The following PTPRE variants were observed in gnomAD, a reference collection of about 807,000 sequenced individuals.
PTPRE encodes receptor-type tyrosine-protein phosphatase epsilon.
PTPRE carries 51 observed loss-of-function variants against 102.0 expected under a neutral mutation model. The observed-to-expected ratio is 0.50, with a 90% CI of 0.40 to 0.63. PTPRE has a LOEUF of 0.63. Among genes scored for constraint, PTPRE ranks in the 30% least tolerant of loss-of-function variants. PTPRE has a pLI of 0.00. For synonymous variants in PTPRE, 345 were observed against 348.2 expected (o/e 0.99, Z 0.10); for missense variants, 752 against 915.1 (o/e 0.82, Z 2.30).
chr10:128,082,848 G>A lies in PTPRE; in HGVS notation c.2045G>A (p.Cys682Tyr). The A allele has an allele frequency of 6.4e-7, 1 of 1,560,022 alleles. No individual in the cohort carries two copies. Among genetic ancestry groups the A allele is most frequent in the Non-Finnish European group, 8.6e-7 (1 of 1,162,868 alleles). The change falls in exon 21 of 21, where the codon TGC becomes TAC. Residue 682 changes from cysteine to tyrosine, a missense_variant. Cys to Tyr is a radical substitution (Grantham distance 194). This residue lies in a region of PTPRE where 636 missense variants were observed against 824.4 expected (regional missense o/e 0.77). Transcript: ENST00000254667. ...MVQTLEQYEF[C>Y]YKVVQDFIDI... ...TCTTTTCAGGAACAGTATGAATTCT[G>A]CTACAAAGTGGTACAAGATTTTATT...
At chr10:128,015,797 C>G (rs534174111) in intron 2 of PTPRE, among the ~76,000 whole-genome samples, 2 of 152,258 alleles carry the variant, frequency 1.3e-5, no homozygotes, top group East Asian at 1.9e-4. Flanking sequence ...GGGGACAGAG[C>G]AAGACCCTGT....
intron 1 of PTPRE, among the ~76,000 whole-genome samples, chr10:127,947,771 G>A (rs1026539019): frequency 2.6e-5 from 4 of 152,148 alleles, no homozygotes; most frequent in African/African-American, 4.8e-5. Context: ...GAAAAATCTC[G>A]GACTTAAAAT....
chr10:127,958,333 T>C (rs2135377071), intron 1 of PTPRE, among the ~76,000 whole-genome samples: 1 of 152,348 alleles, frequency 6.6e-6, no homozygotes, highest in Middle Eastern at 3.4e-3. Flanking sequence ...CTGTAGGTTT[T>C]TCATAGCTGT....
intron 2 of PTPRE, among the ~76,000 whole-genome samples, chr10:128,001,888 G>A (rs1246473921): frequency 6.6e-6 from 1 of 152,220 alleles, no homozygotes; most frequent in African/African-American, 2.4e-5. Context: ...GGGTTGAGAA[G>A]GCTGTGGGCT....
intron 1 of PTPRE, among the ~76,000 whole-genome samples, chr10:127,951,074 C>T (rs1848986907): frequency 6.6e-6 from 1 of 151,780 alleles, no homozygotes; most frequent in South Asian, 2.1e-4. Context: ...GAGACTCCAT[C>T]TCAAAAAAAT....
In PTPRE at chr10:128,069,764, G is replaced by A; in HGVS notation, c.1080G>A (p.Lys360=). Residue 360 remains lysine, a synonymous_variant, in exon 13 of 21, where the codon AAG becomes AAA. Transcript: ENST00000254667. ...AMMAMMHAEQ[K]VDVFEFVSRI... is the part of the protein sequence containing the mutation. The stretch of plus-strand genomic sequence containing the variant: ...TGGCCATGATGCACGCGGAGCAGAA[G>A]GTGGATGTGTTTGAATTTGTGTCTC... 4 of 1,614,216 alleles carry A rather than the reference G, an allele frequency of 2.5e-6. No homozygotes were observed. The African/African-American group carries it at 4.0e-5, about 16-fold the overall frequency.
chr10:128,025,956 T>C lies in PTPRE; in HGVS notation c.-7-14919T>C, dbSNP rs755881609. On this transcript the variant is annotated intron_variant, in intron 2 of 20. Coordinates refer to ENST00000254667, the MANE Select transcript of PTPRE (RefSeq NM_006504.6). The stretch of plus-strand genomic sequence containing the variant: ...ATTTTTGTCCATGGCTGCCTTTCTT[T>C]GGCAGCCAGAGCCAGGTACTTCCAG... Among the ~76,000 whole-genome samples, 25 of 152,310 alleles carry C rather than the reference T, an allele frequency of 1.6e-4. No individual in the cohort carries two copies. The Middle Eastern group carries it at 0.014, about 83-fold the overall frequency.
rs1845602108 is a variant in PTPRE, at chr10:127,907,917, G to C, written c.-31+608G>C. Among the ~76,000 whole-genome samples the C allele has an allele frequency of 6.6e-6, 1 of 152,200 alleles. No homozygotes were observed. The highest frequency in any genetic ancestry group is 1.5e-5 in the Non-Finnish European group (1 of 68,044). On this transcript the variant is annotated intron_variant, in intron 1 of 20. Coordinates refer to ENST00000254667, the MANE Select transcript of PTPRE (RefSeq NM_006504.6). This position sits in a 1 kb window ranked among gnomAD's most constrained non-coding sequence, Gnocchi z 4.8. The stretch of plus-strand genomic sequence containing the variant: ...CCTGGCAGGTGGTCCAGGCTGGACT[G>C]CCGCGATTTGCAGGGTCGACGACCT...
chr10:128,061,306 C>T (rs1486071761), intron 8 of PTPRE, among the ~76,000 whole-genome samples: 1 of 152,194 alleles, frequency 6.6e-6, no homozygotes, highest in Admixed American at 6.5e-5. Flanking sequence ...AAACCATGTG[C>T]AGTGGACTAT....
At chr10:127,926,591 G>A (rs1440291386) in intron 1 of PTPRE, among the ~76,000 whole-genome samples, 1 of 152,138 alleles carries the variant, frequency 6.6e-6, no homozygotes, top group Non-Finnish European at 1.5e-5. Context: ...TGGCTGGTGT[G>A]GGCGTGAGGA....
chr10:127,971,847 C>T (rs1850768199), intron 1 of PTPRE, among the ~76,000 whole-genome samples: 1 of 152,226 alleles, frequency 6.6e-6, no homozygotes, highest in African/African-American at 2.4e-5. Context: ...ACCAGGAGAG[C>T]TTTCCCTTAG....
intron 1 of PTPRE, among the ~76,000 whole-genome samples, chr10:127,949,458 G>A (rs558219104): frequency 1.2e-4 from 19 of 152,200 alleles, no homozygotes; most frequent in African/African-American, 2.6e-4. Context: ...TTCTAATAGC[G>A]CAGAGAGCAC....
chr10:128,047,473 G>A lies in PTPRE; in HGVS notation c.193G>A (p.Ala65Thr), dbSNP rs752677298. The A allele has an allele frequency of 1.2e-5, 20 of 1,613,116 alleles. No individual in the cohort carries two copies. The highest frequency in any genetic ancestry group is 5.5e-5 in the South Asian group (5 of 91,058). ...GCTCCTCCTCCTCGTGCTCCTTCTC[G>A]CCGCCTACTTCTTCAGGTAGGAGTG... ...LLLLLLVLLL[A>T]AYFFRFRKQR... is the part of the protein sequence containing the mutation. Residue 65 changes from alanine to threonine, a missense_variant, in exon 4 of 21, where the codon GCC (alanine) becomes ACC (threonine). Ala to Thr is a moderately conservative substitution (Grantham distance 58). This residue lies in a region of PTPRE where 116 missense variants were observed against 90.8 expected (regional missense o/e 1.28). Coordinates refer to ENST00000254667, the MANE Select transcript of PTPRE (RefSeq NM_006504.6).
At chr10:127,980,764 A>G (rs144313443) in intron 1 of PTPRE, among the ~76,000 whole-genome samples, 39 of 152,324 alleles carry the variant, frequency 2.6e-4, no homozygotes, top group African/African-American at 8.4e-4. Context: ...TTTTAAAAAT[A>G]TAACAATTTA....
At chr10:127,987,483 C>A in intron 2 of PTPRE, 3 of 616,514 alleles carry the variant, frequency 4.9e-6, no homozygotes, top group Non-Finnish European at 7.2e-6. Context: ...ACCTAAAAAT[C>A]AGGCTAAAGA....
At chr10:127,982,399 G>A in intron 2 of PTPRE, 103 bp downstream of exon 2, 1 of 829,460 alleles carries the variant, frequency 1.2e-6, no homozygotes, top group Non-Finnish European at 1.7e-6. Context: ...TCTTGAGAAA[G>A]AAAGCCATAT....
chr10:127,955,295 T>TACAC (rs1277579186), intron 1 of PTPRE, among the ~76,000 whole-genome samples: 1 of 150,042 alleles, frequency 6.7e-6, no homozygotes, highest in African/African-American at 2.5e-5. Context: ...TGTACATACA[T>TACAC]ACATACATAC....
At chr10:128,016,266 A>T (rs772182518) in intron 2 of PTPRE, among the ~76,000 whole-genome samples, 1 of 152,206 alleles carries the variant, frequency 6.6e-6, no homozygotes, top group African/African-American at 2.4e-5. Context: ...TTCAAAACAC[A>T]GAACAGGTCA....
At chr10:127,956,391 G>T (rs1335289992) in intron 1 of PTPRE, among the ~76,000 whole-genome samples, 6 of 152,284 alleles carry the variant, frequency 3.9e-5, no homozygotes, top group Non-Finnish European at 1.5e-5. Flanking sequence ...CCACAACTGT[G>T]TGAACCAATC....
Sources: gnomAD v4.1 joint callset for allele counts (sites outside exome capture counted in the v4.1 genomes callset) on GRCh38, gnomAD v4.1.1 for gene constraint, gnomAD v4.1.1 regional missense constraint, Gnocchi (gnomAD v3.1) non-coding constraint, MANE v1.5 for transcripts, NCBI Gene and HGNC (gene_info 2026-07-23, HGNC 2026-07-21) for gene names.